Variants in CCDC32 observed in about 807,000 individuals in gnomAD.
CCDC32 encodes the protein coiled-coil domain containing 32.
In CCDC32, 9 loss-of-function variants were observed where a neutral mutation model predicts 20.1. That is an observed-to-expected ratio of 0.45 (90% CI 0.27 to 0.78). The LOEUF (loss-of-function observed/expected upper bound fraction) is 0.78. Ranked by LOEUF, CCDC32 falls within the 30% of genes least tolerant of loss-of-function variation. CCDC32 has a pLI of 0.16. For missense variants in CCDC32, 204 were observed against 215.5 expected, an observed-to-expected ratio of 0.95 and a Z score of 0.33; for synonymous variants, 63 against 79.0, an observed-to-expected ratio of 0.80 and a Z score of 1.07.
At chr15:40,539,129 G>C (rs1889260435), downstream of CCDC32, 1 of 883,110 alleles carries the variant, frequency 1.1e-6, no homozygotes, top group African/African-American at 1.6e-5. Context: ...CTGGGCCAGA[G>C]GGAAGTAGTT....
chr15:40,548,872 A>C (rs1240081995), downstream of CCDC32, among the ~76,000 whole-genome samples: 2 of 152,220 alleles, frequency 1.3e-5, no homozygotes, highest in Non-Finnish European at 2.9e-5. Flanking sequence ...TATTGACTGA[A>C]GATCTCAGGG....
rs891664560 is a variant in CCDC32 at position 40,539,360 on chromosome 15, G to A, written c.402-5C>T. On this transcript the variant is annotated splice_region_variant and splice_polypyrimidine_tract_variant and intron_variant, in intron 3 of 3. Coordinates refer to the CCDC32 transcript ENST00000558113. ...GGGGTTCTGGAGTTACAGGGCCTATGGGAATAAGACAGACCGACAGAGACG... is the reference window on the plus strand; with the variant it reads ...GGGGTTCTGGAGTTACAGGGCCTATAGGAATAAGACAGACCGACAGAGACG... 1.1e-5 allele frequency: 17 copies of A among 1,534,974 alleles called. 1 individual carries two copies. In the African/African-American group the frequency reaches 2.2e-4, roughly 20 times the overall value.
At chr15:40,541,819 A>G (rs1889407935) in intron 3 of CCDC32, among the ~76,000 whole-genome samples, 1 of 152,236 alleles carries the variant, frequency 6.6e-6, no homozygotes, top group Non-Finnish European at 1.5e-5. Context: ...ACAGCACAAG[A>G]GCGACCTTTT....
chr15:40,530,618 G>T (rs1376583021), downstream of CCDC32, among the ~76,000 whole-genome samples: 1 of 150,914 alleles, frequency 6.6e-6, no homozygotes, highest in Non-Finnish European at 1.5e-5. Context: ...GCTTCCTGAG[G>T]CCTCACCAGC....
downstream of CCDC32, among the ~76,000 whole-genome samples, chr15:40,533,821 C>A (rs995300948): frequency 6.6e-6 from 1 of 151,540 alleles, no homozygotes; most frequent in African/African-American, 2.4e-5. Context: ...TTGGGGTAGA[C>A]CACACCGAGA....
intron 3 of CCDC32, among the ~76,000 whole-genome samples, chr15:40,539,909 A>G (rs537919457): frequency 6.9e-6 from 1 of 144,564 alleles, no homozygotes; most frequent in African/African-American, 2.5e-5. Flanking sequence ...ATTCCATGTC[A>G]CCCCAAACTC....
chr15:40,549,546 G>A (rs966887943), downstream of CCDC32, among the ~76,000 whole-genome samples: 1 of 152,140 alleles, frequency 6.6e-6, no homozygotes, highest in Non-Finnish European at 1.5e-5. Flanking sequence ...AGCACCTTGT[G>A]CTTACAACTT....
At chr15:40,534,673 A>G, downstream of CCDC32, 1 of 524,060 alleles carries the variant, frequency 1.9e-6, no homozygotes, top group Non-Finnish European at 3.4e-6. Context: ...CCAACTGTCT[A>G]CTTCTCATTG....
Position 40,557,277 on chromosome 15 carries a change from G to T in CCDC32, c.340C>A (p.Arg114=). ...LAQAKKECWD[R]FLQEKLASEF... ...GAAGCTAACTTCTCCTGGAGGAACC[G>T]ATCCCAGCATTCCTTCTTGGCTTGG... Residue 114 remains arginine (R), a synonymous_variant, in exon 3 of 4, where the codon CGG becomes AGG. Coordinates refer to ENST00000416810, the MANE Select transcript of CCDC32 (RefSeq NM_001080792.4). The T allele has an allele frequency of 6.2e-7, 1 of 1,614,160 alleles. No homozygotes were observed. Among genetic ancestry groups the T allele is most frequent in the Non-Finnish European group, 8.5e-7 (1 of 1,180,018 alleles).
At chr15:40,531,976 T>G (rs2141597436), downstream of CCDC32, 1 of 239,358 alleles carries the variant, frequency 4.2e-6, no homozygotes, top group East Asian at 8.1e-5. Context: ...ATATTTCTCT[T>G]TAATTCCCCA....
intron 3 of CCDC32, among the ~76,000 whole-genome samples, chr15:40,541,126 G>A (rs746332655): frequency 2.6e-4 from 39 of 152,194 alleles, no homozygotes; most frequent in African/African-American, 7.5e-4. Flanking sequence ...GTGACCAGCC[G>A]CAGCTGCAGC....
downstream of CCDC32, among the ~76,000 whole-genome samples, chr15:40,549,589 C>G (rs898038826): frequency 1.3e-5 from 2 of 152,152 alleles, no homozygotes; most frequent in Admixed American, 6.5e-5. Context: ...TCTACTCCCC[C>G]CTCCATCATT....
At chr15:40,532,724 T>C (rs866332459), downstream of CCDC32, among the ~76,000 whole-genome samples, 619 of 141,932 alleles carry the variant, frequency 4.4e-3, 11 homozygotes, top group African/African-American at 0.014. Context: ...CTTTTTTTTT[T>C]TTTTTTTTTT....
chr15:40,558,488 A>G (rs1039716001), intron 2 of CCDC32, among the ~76,000 whole-genome samples: 6 of 152,130 alleles, frequency 3.9e-5, no homozygotes, highest in Non-Finnish European at 7.4e-5. Context: ...TAGGTTATTT[A>G]ACAATAAAAA....
downstream of CCDC32, among the ~76,000 whole-genome samples, chr15:40,531,103 T>C (rs1888860602): frequency 1.3e-5 from 2 of 151,500 alleles, no homozygotes; most frequent in Non-Finnish European, 2.9e-5. Flanking sequence ...TTCTCATTTA[T>C]AAGTGGGAGC....
chr15:40,561,515 CAA>C (rs1462798319), intron 2 of CCDC32, among the ~76,000 whole-genome samples: 3 of 149,438 alleles, frequency 2.0e-5, no homozygotes, highest in Non-Finnish European at 4.5e-5. Context: ...AAACAAAACA[CAA>C]AGTGGTATAC....
chr15:40,546,334 G>A (rs554893874), intron 3 of CCDC32, among the ~76,000 whole-genome samples: 1 of 152,044 alleles, frequency 6.6e-6, no homozygotes, highest in East Asian at 1.9e-4. Context: ...TGGGACCACA[G>A]GCACGAGCCA....
chr15:40,550,327 C>A (rs1889800676), downstream of CCDC32, among the ~76,000 whole-genome samples: 1 of 152,208 alleles, frequency 6.6e-6, no homozygotes, highest in East Asian at 1.9e-4. Flanking sequence ...AAGATTCTAC[C>A]AACTTACAAA....
chr15:40,530,291 CAAAAAAAA>C (rs3068017), downstream of CCDC32, among the ~76,000 whole-genome samples: 4 of 99,562 alleles, frequency 4.0e-5, no homozygotes, highest in African/African-American at 1.1e-4. Flanking sequence ...AACTACATCT[CAAAAAAAA>C]AAAAAAAAAA....
Sources: allele counts gnomAD v4.1 joint callset (sites outside exome capture counted in the v4.1 genomes callset), GRCh38; gene constraint gnomAD v4.1.1; transcripts MANE v1.5; gene names NCBI Gene and HGNC (gene_info 2026-07-23, HGNC 2026-07-21).